CECR2: variants seen among roughly 807,000 people sequenced by gnomAD.
The protein encoded by CECR2 is chromatin remodeling regulator CECR2.
Under a neutral mutation model 154.5 loss-of-function variants are expected in CECR2, and 30 were observed. That is an observed-to-expected ratio of 0.19 (90% confidence interval 0.15 to 0.26). The LOEUF is 0.26. Among genes scored for constraint, CECR2 ranks in the 10% least tolerant of loss-of-function variants. CECR2 has a pLI of 1.00. For missense variants in CECR2, 1,743 were observed against 1,829.3 expected, an observed-to-expected ratio of 0.95 and a Z score of 0.86; for synonymous variants, 725 against 683.7, an observed-to-expected ratio of 1.06 and a Z score of -0.94.
In CECR2 at chr22:17,556,364, C is replaced by CT. The variant is rs1157892377; in HGVS notation, c.*3525dup. 2 of 152,224 alleles carry CT rather than the reference C, an allele frequency of 1.3e-5. No homozygotes were observed. Among genetic ancestry groups the CT allele is most frequent in the Non-Finnish European group, 2.9e-5 (2 of 68,054 alleles). 9.4% of individuals were successfully genotyped at this position (152,224 alleles called of 1,614,324 possible). A position where few individuals can be genotyped will look rare whatever the true frequency, so the allele number is the denominator to read the frequency against. ...CCTCAGCTTTAAATGTCGATTTACT[C>CT]TGTCTTGTTCCCTGAAAGTGTTTCT... On this transcript the variant is annotated 3_prime_UTR_variant, in exon 19 of 19. Transcript: ENST00000262608.
intron 8 of CECR2, among the ~76,000 whole-genome samples, chr22:17,513,825 C>T (rs143086649): frequency 2.8e-4 from 42 of 152,308 alleles, no homozygotes; most frequent in African/African-American, 9.6e-4. Flanking sequence ...TTCCTAGATG[C>T]CATAACTTAA....
chr22:17,372,901 G>C (rs1283037512), intron 1 of CECR2, among the ~76,000 whole-genome samples: 1 of 152,094 alleles, frequency 6.6e-6, no homozygotes, highest in African/African-American at 2.4e-5. Flanking sequence ...TGAGGAAGCA[G>C]AGTCTTCAAG....
intron 5 of CECR2, among the ~76,000 whole-genome samples, chr22:17,502,273 C>T (rs1042196952): frequency 1.2e-4 from 19 of 152,286 alleles, no homozygotes; most frequent in African/African-American, 3.8e-4. Flanking sequence ...ATTCCCCCTT[C>T]GGAGCCCATG....
At chr22:17,490,263 G>A (rs115780738) in intron 2 of CECR2, among the ~76,000 whole-genome samples, 2,253 of 151,920 alleles carry the variant, frequency 0.015, 22 homozygotes, top group African/African-American at 0.025. Flanking sequence ...GGGTTGTGGT[G>A]TCCTGTTATT....
At chr22:17,389,616 A>T (rs1269219079) in intron 1 of CECR2, among the ~76,000 whole-genome samples, 1 of 150,956 alleles carries the variant, frequency 6.6e-6, no homozygotes, top group Non-Finnish European at 1.5e-5. Context: ...CAGCTCGGGG[A>T]TATTCTTTTT....
intron 8 of CECR2, among the ~76,000 whole-genome samples, chr22:17,520,674 G>T (rs2056143030): frequency 6.6e-6 from 1 of 152,024 alleles, no homozygotes; most frequent in Non-Finnish European, 1.5e-5. Context: ...AACATGCGGT[G>T]TTTGGTTTTC....
In CECR2 at chr22:17,555,437, G is replaced by A. The variant is rs2056762383; in HGVS notation, c.*2597G>A. 1 of 152,210 alleles carries A rather than the reference G, an allele frequency of 6.6e-6. No individual in the cohort carries two copies. The highest frequency in any genetic ancestry group is 1.5e-5 in the Non-Finnish European group (1 of 68,074). The allele number at this position is 152,210 out of a possible 1,614,324, so 9.4% of individuals were successfully genotyped here. On this transcript the variant is annotated 3_prime_UTR_variant, in exon 19 of 19. Transcript: ENST00000262608. ...ACTAGTGCTTCGTCCATTGTCCAGGGAGTGTCCTGAGCTTTCACTGGTCTT... is the reference window on the plus strand; with the variant it reads ...ACTAGTGCTTCGTCCATTGTCCAGGAAGTGTCCTGAGCTTTCACTGGTCTT...
chr22:17,455,488 C>T (rs1027187926), intron 1 of CECR2, among the ~76,000 whole-genome samples: 26 of 152,222 alleles, frequency 1.7e-4, no homozygotes, highest in Admixed American at 4.6e-4. Flanking sequence ...CTCCTCCCTA[C>T]TCTCCTGACC....
intron 15 of CECR2, 23 bp from the exon 16 acceptor site, chr22:17,542,132 CTG>C: frequency 6.2e-7 from 1 of 1,601,664 alleles, no homozygotes. Context: ...GAGTCTGTAA[CTG>C]TGCTGCCTTT....
At chr22:17,415,070 G>A (rs2054136261) in intron 1 of CECR2, among the ~76,000 whole-genome samples, 1 of 152,166 alleles carries the variant, frequency 6.6e-6, no homozygotes, top group Admixed American at 6.5e-5. Context: ...AATTCACTTA[G>A]AAGCCATTCG....
intron 1 of CECR2, among the ~76,000 whole-genome samples, chr22:17,424,926 GGTGTTTTGC>G (rs554302690): frequency 6.6e-6 from 1 of 152,258 alleles, no homozygotes; most frequent in African/African-American, 2.4e-5. Flanking sequence ...CTTTTTACTA[GGTGTTTTGC>G]CAGACAACAG....
chr22:17,363,243 G>A (rs537440031), intron 1 of CECR2, among the ~76,000 whole-genome samples: 11 of 150,160 alleles, frequency 7.3e-5, no homozygotes, highest in South Asian at 2.1e-4. Context: ...TTGGGGTCTC[G>A]CTTTCGCCAG....
chr22:17,511,872 G>C lies in CECR2; in HGVS notation c.930G>C (p.Leu310=), dbSNP rs200014459. Residue 310 remains leucine, a synonymous_variant, in exon 8 of 19, where the codon CTG becomes CTC. Coordinates refer to ENST00000262608, the MANE Select transcript of CECR2 (RefSeq NM_001290047.2). ...ELHPRWMSDH[L]SIKPVKQEET... is the part of the protein sequence containing the mutation. Reference sequence around the variant, plus strand: ...ATCCTAGGTGGATGTCTGACCACCTGTCCATCAAACCCGTCAAGCAAGAGG... The same window carrying C: ...ATCCTAGGTGGATGTCTGACCACCTCTCCATCAAACCCGTCAAGCAAGAGG... 1.5e-5 allele frequency: 24 copies of C among 1,611,554 alleles called. No homozygotes were observed. The highest frequency in any genetic ancestry group is 2.0e-5 in the Non-Finnish European group (24 of 1,178,436).
chr22:17,404,364 C>CTTTTTTTTTTTTTTTTTTTTTTTTTTTT lies in CECR2; in HGVS notation c.126+34458_126+34459insTTTTTTTTTTTTTTTTTTTTTTTTTTTT, dbSNP rs1209598318. On this transcript the variant is annotated intron_variant, in intron 1 of 18. Transcript: ENST00000262608. ...TGTGGGTTCATTTCTGGACCCTGTT[C>CTTTTTTTTTTTTTTTTTTTTTTTTTTTT]TTTCTTTTTTTTTTTTTTTTTTTTT... 6.7e-5 allele frequency among the ~76,000 whole-genome samples: 4 copies of CTTTTTTTTTTTTTTTTTTTTTTTTTTTT among 59,606 alleles called. 1 individual carries two copies. The highest frequency in any genetic ancestry group is 1.3e-4 in the Non-Finnish European group (4 of 31,434). The allele number at this position is 59,606 out of a possible 152,430, so 39.1% of individuals were successfully genotyped here. A position where few individuals can be genotyped will look rare whatever the true frequency, so the allele number is the denominator to read the frequency against.
At chr22:17,443,926 G>A (rs776820785) in intron 1 of CECR2, among the ~76,000 whole-genome samples, 4 of 152,124 alleles carry the variant, frequency 2.6e-5, no homozygotes, top group Non-Finnish European at 1.5e-5. Flanking sequence ...TAGCCGTACC[G>A]TAAACAAGCA....
chr22:17,535,608 A>G (rs1313454168), intron 9 of CECR2, among the ~76,000 whole-genome samples: 1 of 152,074 alleles, frequency 6.6e-6, no homozygotes, highest in East Asian at 1.9e-4. Flanking sequence ...AAATGTTTAA[A>G]GTTTGACAGG....
intron 1 of CECR2, among the ~76,000 whole-genome samples, chr22:17,373,027 A>C (rs1198804973): frequency 6.6e-6 from 1 of 152,168 alleles, no homozygotes; most frequent in Non-Finnish European, 1.5e-5. Context: ...AACTGTCCCC[A>C]AAACGTGGAT....
intron 1 of CECR2, among the ~76,000 whole-genome samples, chr22:17,364,342 C>CAAAAAAAAAAAAAA (rs59134897): frequency 1.9e-5 from 1 of 52,946 alleles, no homozygotes; most frequent in Admixed American, 2.5e-4. Context: ...GACTCTGTCT[C>CAAAAAAAAAAAAAA]AAAAAAAAAA....
chr22:17,499,259 G>A (rs950370411), intron 3 of CECR2, 151 bp from the exon 4 acceptor site: 1 of 817,920 alleles, frequency 1.2e-6, no homozygotes. Flanking sequence ...AAAGTGCTGG[G>A]ATTACAGGCG....
Sources: gnomAD v4.1 joint callset for allele counts (sites outside exome capture counted in the v4.1 genomes callset) on GRCh38, gnomAD v4.1.1 for gene constraint, MANE v1.5 for transcripts, NCBI Gene and HGNC (gene_info 2026-07-23, HGNC 2026-07-21) for gene names.